Variants in KLHL26 observed in about 807,000 individuals in gnomAD.
The protein encoded by KLHL26 is kelch-like protein 26.
In KLHL26, 4 loss-of-function variants were observed where a neutral mutation model predicts 7.1. That is an observed-to-expected ratio of 0.56 (90% CI 0.28 to 1.28). The LOEUF (loss-of-function observed/expected upper bound fraction) is 1.28, where lower values mean the gene tolerates loss of function less well. KLHL26 is among the 50% of genes most tolerant of loss of function. The probability of loss-of-function intolerance (pLI) is 0.11; values close to 1 mark genes in which losing one functional copy is unlikely to be tolerated. For synonymous variants in KLHL26, 465 were observed against 414.1 expected, an observed-to-expected ratio of 1.12 and a Z score of -1.49; for missense variants, 896 against 924.6, an observed-to-expected ratio of 0.97 and a Z score of 0.40.
chr19:18,663,198 C>T (rs2052409372), intron 1 of KLHL26, among the ~76,000 whole-genome samples: 1 of 152,272 alleles, frequency 6.6e-6, no homozygotes, highest in African/African-American at 2.4e-5. Context: ...GCCTCGCAGG[C>T]AGGGCTGGGG....
At chr19:18,655,895 G>C (rs2052327672) in intron 1 of KLHL26, among the ~76,000 whole-genome samples, 1 of 152,208 alleles carries the variant, frequency 6.6e-6, no homozygotes, top group African/African-American at 2.4e-5. Context: ...TGGACTCCTG[G>C]TGGCATTGGT....
chr19:18,648,498 C>A lies in KLHL26; in HGVS notation c.83+11361C>A, dbSNP rs188813456. Among the ~76,000 whole-genome samples the A allele has an allele frequency of 7.3e-3, 1,115 of 152,312 alleles. 28 individuals carry two copies. Among genetic ancestry groups the A allele is most frequent in the Admixed American group, 0.043 (662 of 15,308 alleles). On this transcript the variant is annotated intron_variant, in intron 1 of 2. Transcript: ENST00000300976. The surrounding 1 kb of genome is among the most constrained non-coding windows in gnomAD (Gnocchi z 4.9). ...AGTGGTGGCCAGTTTCTGCCCTCCC[C>A]ACCGGGCAGGCTGAAGGTCAGGGTT...
At chr19:18,657,037 G>A (rs2052341556) in intron 1 of KLHL26, among the ~76,000 whole-genome samples, 1 of 150,894 alleles carries the variant, frequency 6.6e-6, no homozygotes, top group Non-Finnish European at 1.5e-5. Flanking sequence ...CTGTCCCTCT[G>A]TTTCTGCATC....
rs202155501 is a variant in KLHL26, at chr19:18,667,966, G to A, written c.569G>A (p.Arg190Gln). The A allele has an allele frequency of 3.7e-6, 6 of 1,608,766 alleles. No individual in the cohort carries two copies. Among genetic ancestry groups the A allele is most frequent in the South Asian group, 2.2e-5 (2 of 91,086 alleles). Reference sequence around the variant, plus strand: ...GAGTCGGTGGATGCCTTCACCTTCCGGCACTTCCTGCAGATCGCCGAGGAG... The same window carrying A: ...GAGTCGGTGGATGCCTTCACCTTCCAGCACTTCCTGCAGATCGCCGAGGAG... ...LRESVDAFTF[R>Q]HFLQIAEEED... The change falls in exon 3 of 3, where the codon CGG (arginine) becomes CAG (glutamine). Residue 190 changes from arginine (R) to glutamine (Q), a missense_variant. Arg to Gln is a conservative substitution (Grantham distance 43). Transcript: ENST00000300976.
rs911883489 is a variant in KLHL26 at position 18,650,368 on chromosome 19, A to G, written c.83+13231A>G. On this transcript the variant is annotated intron_variant, in intron 1 of 2. Transcript: ENST00000300976. The surrounding 1 kb of genome is among the most constrained non-coding windows in gnomAD (Gnocchi z 4.2). ...TCAAGGTGACTGTGAGATGACAGAC[A>G]CGTAGGGGAGCCCCACAGAGGACCC... Among the ~76,000 whole-genome samples the G allele has an allele frequency of 6.6e-6, 1 of 152,138 alleles. No homozygotes were observed. Among genetic ancestry groups the G allele is most frequent in the Non-Finnish European group, 1.5e-5 (1 of 68,010 alleles).
rs745716098 is a variant in KLHL26, at chr19:18,668,651, G to T, written c.1254G>T (p.Thr418=). The T allele has an allele frequency of 6.4e-7, 1 of 1,568,634 alleles. No individual in the cohort carries two copies. The highest frequency in any genetic ancestry group is 8.6e-7 in the Non-Finnish European group (1 of 1,162,292). The change falls in exon 3 of 3, where the codon ACG becomes ACT. Residue 418 remains threonine (T), a synonymous_variant. Coordinates refer to ENST00000300976, the MANE Select transcript of KLHL26 (RefSeq NM_018316.3). ...LNVLCGMVYA[T]GGRNRAGSLA... ...TGCTGTGCGGCATGGTGTACGCCAC[G>T]GGCGGCCGCAACCGAGCCGGCAGCC...
rs1283153718 is a variant in KLHL26, at chr19:18,646,207, C to T, written c.83+9070C>T. Among the ~76,000 whole-genome samples the T allele has an allele frequency of 2.6e-5, 4 of 152,130 alleles. No homozygotes were observed. The highest frequency in any genetic ancestry group is 7.2e-5 in the African/African-American group (3 of 41,430). ...CATGATTTTGGCTCACTGCAACCTCCGCCTTCTGGGTTCAAGTGATTCTCC... is the reference window on the plus strand; with the variant it reads ...CATGATTTTGGCTCACTGCAACCTCTGCCTTCTGGGTTCAAGTGATTCTCC... On this transcript the variant is annotated intron_variant, in intron 1 of 2. Transcript: ENST00000300976. The surrounding 1 kb of genome is among the most constrained non-coding windows in gnomAD (Gnocchi z 5.0).
intron 1 of KLHL26, among the ~76,000 whole-genome samples, chr19:18,647,193 C>T (rs942741281): frequency 6.6e-6 from 1 of 152,230 alleles, no homozygotes; most frequent in African/African-American, 2.4e-5. Flanking sequence ...CAACCTGAAT[C>T]GTGCAGTGCG....
At position 18,650,312 on chromosome 19, in the gene KLHL26, G is replaced by A. The variant is rs968325939; in HGVS notation, c.83+13175G>A. Among the ~76,000 whole-genome samples the A allele has an allele frequency of 6.6e-6, 1 of 152,200 alleles. No homozygotes were observed. The highest frequency in any genetic ancestry group is 1.5e-5 in the Non-Finnish European group (1 of 68,038). Reference sequence around the variant, plus strand: ...GATCACCCAGATCGTCTGAGAGCGGGACATTTTCCCGGAGCGGGGTGGAAG... The same window carrying A: ...GATCACCCAGATCGTCTGAGAGCGGAACATTTTCCCGGAGCGGGGTGGAAG... On this transcript the variant is annotated intron_variant, in intron 1 of 2. Transcript: ENST00000300976. The surrounding 1 kb of genome is among the most constrained non-coding windows in gnomAD (Gnocchi z 4.2).
At chr19:18,644,328 C>G (rs953942987) in intron 1 of KLHL26, among the ~76,000 whole-genome samples, 2 of 152,166 alleles carry the variant, frequency 1.3e-5, no homozygotes, top group African/African-American at 4.8e-5. Context: ...ATTGGTTCCA[C>G]CTTTTGGCTA....
intron 1 of KLHL26, among the ~76,000 whole-genome samples, chr19:18,642,713 CTG>C (rs1976736452): frequency 2.0e-5 from 3 of 151,554 alleles, no homozygotes; most frequent in Non-Finnish European, 1.5e-5. Context: ...GAGTCTCACT[CTG>C]TCGCCCATGC....
At chr19:18,643,048 G>A (rs1313401514) in intron 1 of KLHL26, among the ~76,000 whole-genome samples, 11 of 151,664 alleles carry the variant, frequency 7.3e-5, no homozygotes, top group African/African-American at 2.2e-4. Context: ...TGGCCAGGGT[G>A]GTCTTGATCT....
intron 1 of KLHL26, among the ~76,000 whole-genome samples, chr19:18,638,821 C>G (rs375397873): frequency 1.3e-5 from 2 of 152,164 alleles, no homozygotes; most frequent in African/African-American, 4.8e-5. Flanking sequence ...CCACCTCAGC[C>G]TCCTGAGTAG....
intron 1 of KLHL26, among the ~76,000 whole-genome samples, chr19:18,653,320 G>A (rs1199059859): frequency 2.8e-4 from 42 of 150,518 alleles, no homozygotes; most frequent in Non-Finnish European, 1.5e-5. Context: ...ATGTCCACCA[G>A]TTCACCCACC....
intron 1 of KLHL26, among the ~76,000 whole-genome samples, chr19:18,661,243 T>C (rs2052389158): frequency 6.6e-6 from 1 of 152,164 alleles, no homozygotes; most frequent in Non-Finnish European, 1.5e-5. Flanking sequence ...GCCAGTCAGC[T>C]GAACTGATCC....
At chr19:18,665,174 A>C (rs1031803743) in intron 2 of KLHL26, among the ~76,000 whole-genome samples, 3 of 151,598 alleles carry the variant, frequency 2.0e-5, no homozygotes, top group Admixed American at 6.6e-5. Flanking sequence ...CTCCTGCCTC[A>C]GCCTCCCGAG....
chr19:18,658,645 C>G (rs751407750), intron 1 of KLHL26, among the ~76,000 whole-genome samples: 1 of 150,316 alleles, frequency 6.7e-6, no homozygotes. Context: ...CTCTAGGTCT[C>G]TGTCTTCCTC....
Position 18,667,766 on chromosome 19 carries a change from C to T in KLHL26, c.369C>T (p.Ser123=), listed in dbSNP as rs761846649. Residue 123 remains serine (S), a synonymous_variant, in exon 3 of 3, where the codon AGC becomes AGT. Coordinates refer to ENST00000300976, the MANE Select transcript of KLHL26 (RefSeq NM_018316.3). ...GGCACATCATCGACTTCGCCTACAGCGCCGAGGTGACACTGGACCTGGACT... is the reference window on the plus strand; with the variant it reads ...GGCACATCATCGACTTCGCCTACAGTGCCGAGGTGACACTGGACCTGGACT... The part of the protein sequence containing the change: ...GLRHIIDFAY[S]AEVTLDLDCV... The T allele has an allele frequency of 9.3e-6, 15 of 1,613,188 alleles. No homozygotes were observed. The highest frequency in any genetic ancestry group is 4.0e-5 in the African/African-American group (3 of 74,948).
At position 18,652,497 on chromosome 19, in the gene KLHL26, G is replaced by A. The variant is rs574191166; in HGVS notation, c.84-11764G>A. Among the ~76,000 whole-genome samples the A allele has an allele frequency of 8.1e-4, 122 of 150,826 alleles. 2 individuals are homozygous for A. The South Asian group carries it at 0.025, about 31-fold the overall frequency. On this transcript the variant is annotated intron_variant, in intron 1 of 2. Coordinates refer to ENST00000300976, the MANE Select transcript of KLHL26 (RefSeq NM_018316.3). ...CCCAGCTACTCAGGAGGCTGAGGCAGGAGAATTACTTGAACCTGGGAGGTG... is the reference window on the plus strand; with the variant it reads ...CCCAGCTACTCAGGAGGCTGAGGCAAGAGAATTACTTGAACCTGGGAGGTG...
Sources: allele counts gnomAD v4.1 joint callset (sites outside exome capture counted in the v4.1 genomes callset), GRCh38; gene constraint gnomAD v4.1.1; non-coding constraint Gnocchi (gnomAD v3.1); transcripts MANE v1.5; gene names NCBI Gene and HGNC (gene_info 2026-07-23, HGNC 2026-07-21).